NFATC3: variants seen among roughly 807,000 people sequenced by gnomAD.
The protein encoded by NFATC3 is nuclear factor of activated T-cells, cytoplasmic 3.
In NFATC3, 46 loss-of-function variants were observed where a neutral mutation model predicts 98.6. That is an observed-to-expected ratio of 0.47 (90% confidence interval 0.37 to 0.60). The LOEUF (loss-of-function observed/expected upper bound fraction) is 0.60, where lower values mean the gene tolerates loss of function less well. Among genes scored for constraint, NFATC3 ranks in the 20% least tolerant of loss-of-function variants. NFATC3 has a pLI of 0.00. For missense variants in NFATC3, 1,256 were observed against 1,295.5 expected, an observed-to-expected ratio of 0.97 and a Z score of 0.47; for synonymous variants, 512 against 472.2, an observed-to-expected ratio of 1.08 and a Z score of -1.09.
Position 68,181,517 on chromosome 16 carries a change from A to G in NFATC3, c.1958A>G (p.Glu653Gly), listed in dbSNP as rs376818386. 17 of 1,606,034 alleles carry G rather than the reference A, an allele frequency of 1.1e-5. No individual in the cohort carries two copies. Among genetic ancestry groups the G allele is most frequent in the Middle Eastern group, 1.7e-4 (1 of 6,060 alleles). Reference protein sequence around the residue: ...QWEVEGKIIREKCQGAHIVLE... With the variant: ...QWEVEGKIIRGKCQGAHIVLE... The stretch of plus-strand genomic sequence containing the variant: ...GAGGTAGAAGGGAAGATAATCAGGG[A>G]AAAATGTCAAGGGGTAAGAAATTTA... The change falls in exon 7 of 10, where the codon GAA becomes GGA. Residue 653 changes from glutamate (E) to glycine (G), a missense_variant. Glu to Gly is a moderately conservative substitution (Grantham distance 98). Coordinates refer to ENST00000346183, the MANE Select transcript of NFATC3 (RefSeq NM_173165.3).
At chr16:68,165,832 G>A (rs2039166547) in intron 4 of NFATC3, among the ~76,000 whole-genome samples, 1 of 152,202 alleles carries the variant, frequency 6.6e-6, no homozygotes, top group Non-Finnish European at 1.5e-5. Flanking sequence ...TGCCTTGTTA[G>A]CAAGGTTAAC....
At chr16:68,204,015 C>T (rs1168266855) in intron 9 of NFATC3, among the ~76,000 whole-genome samples, 1 of 151,946 alleles carries the variant, frequency 6.6e-6, no homozygotes, top group South Asian at 2.1e-4. Context: ...TGGTGAAACC[C>T]CGTCTCTACT....
intron 2 of NFATC3, among the ~76,000 whole-genome samples, chr16:68,124,431 C>T (rs1292606524): frequency 7.6e-6 from 1 of 130,868 alleles, no homozygotes; most frequent in African/African-American, 2.9e-5. Context: ...TCTTTTCTTT[C>T]TTTTTTTTTT....
chr16:68,196,945 G>A lies in NFATC3; in HGVS notation c.3106+5170G>A, dbSNP rs564780767. ...CTTGGGAGGCTGAGGCAGGAGAGTC[G>A]CTTGAACCTGGGAGGCTGAGGTTGC... On this transcript the variant is annotated intron_variant, in intron 9 of 9. Coordinates refer to ENST00000346183, the MANE Select transcript of NFATC3 (RefSeq NM_173165.3). Among the ~76,000 whole-genome samples the A allele has an allele frequency of 3.4e-4, 51 of 152,094 alleles. No individual in the cohort carries two copies. The South Asian group carries it at 7.3e-3, about 22-fold the overall frequency.
intron 3 of NFATC3, among the ~76,000 whole-genome samples, chr16:68,138,983 C>G (rs1450499310): frequency 6.6e-6 from 1 of 152,138 alleles, no homozygotes. Context: ...CCTATCTATC[C>G]ATTTACTTAT....
intron 9 of NFATC3, chr16:68,200,372 T>C (rs2040862414): frequency 1.3e-5 from 2 of 151,968 alleles, no homozygotes; most frequent in African/African-American, 2.4e-5. Flanking sequence ...GTCATAATTA[T>C]GCAAAGTTGT....
intron 3 of NFATC3, among the ~76,000 whole-genome samples, chr16:68,144,804 C>T (rs1419883462): frequency 6.6e-6 from 1 of 151,986 alleles, no homozygotes; most frequent in East Asian, 1.9e-4. Context: ...ATTACAGGTG[C>T]CTGCCACCAC....
chr16:68,122,050 T>G lies in NFATC3; in HGVS notation c.167T>G (p.Leu56Ter). 6.2e-7 allele frequency: 1 copy of G among 1,614,026 alleles called. No homozygotes were observed. Among genetic ancestry groups the G allele is most frequent in the Non-Finnish European group, 8.5e-7 (1 of 1,180,016 alleles). The change falls in exon 2 of 10, where the codon TTA becomes TGA. Residue 56 changes from leucine (L) to a stop codon, truncating the protein, a stop_gained. Coordinates refer to ENST00000346183, the MANE Select transcript of NFATC3 (RefSeq NM_173165.3). LOFTEE classifies it high-confidence loss of function. ...IFNVDPPPST[L>*]TTPLCLPHHG... ...AATGTAGATCCACCTCCATCTACTT[T>G]AACCACACCACTTTGCTTACCACAT...
At chr16:68,099,658 C>CT (rs527472702) in intron 1 of NFATC3, among the ~76,000 whole-genome samples, 76 of 151,862 alleles carry the variant, frequency 5.0e-4, no homozygotes, top group African/African-American at 1.7e-3. Flanking sequence ...TTTCATCTCA[C>CT]TAACTTCTTT....
At chr16:68,169,351 C>T (rs994819007) in intron 5 of NFATC3, among the ~76,000 whole-genome samples, 2 of 152,142 alleles carry the variant, frequency 1.3e-5, no homozygotes, top group African/African-American at 4.8e-5. Flanking sequence ...TCACTGCAGC[C>T]TCCGCCTCCC....
At chr16:68,116,711 G>T (rs1188145530) in intron 1 of NFATC3, among the ~76,000 whole-genome samples, 1 of 152,094 alleles carries the variant, frequency 6.6e-6, no homozygotes, top group Non-Finnish European at 1.5e-5. Flanking sequence ...TGGGAGAAGG[G>T]TGTGGTTTTC....
At chr16:68,167,810 CTTTTTTTTTTTTTTTTTTTT>C (rs35302776) in intron 5 of NFATC3, among the ~76,000 whole-genome samples, 36 of 23,918 alleles carry the variant, frequency 1.5e-3, no homozygotes, top group South Asian at 2.0e-3. Flanking sequence ...CGTATGTGTT[CTTTTTTTTTTTTTTTTTTTT>C]TTTTTTTTTT....
intron 1 of NFATC3, among the ~76,000 whole-genome samples, chr16:68,112,867 C>G (rs764137561): frequency 6.6e-6 from 1 of 151,854 alleles, no homozygotes; most frequent in Non-Finnish European, 1.5e-5. Context: ...TTTCCTCTGC[C>G]TGGTCTGTTC....
At chr16:68,114,753 T>G (rs1405214849) in intron 1 of NFATC3, among the ~76,000 whole-genome samples, 2 of 151,922 alleles carry the variant, frequency 1.3e-5, no homozygotes, top group African/African-American at 4.8e-5. Context: ...TTTTGTATGT[T>G]TAGTAGAGAC....
chr16:68,121,487 G>A (rs183638179), intron 1 of NFATC3, among the ~76,000 whole-genome samples: 2 of 151,532 alleles, frequency 1.3e-5, no homozygotes, highest in East Asian at 3.9e-4. Context: ...TGGCAACAAA[G>A]CAAGGCCCTG....
intron 8 of NFATC3, among the ~76,000 whole-genome samples, chr16:68,190,013 T>C (rs73612234): frequency 0.013 from 1,998 of 152,320 alleles, 43 homozygotes; most frequent in African/African-American, 0.045. Flanking sequence ...CACTCCAGCC[T>C]GGCCGACAGA....
intron 1 of NFATC3, chr16:68,086,556 G>T: frequency 1.4e-6 from 1 of 724,898 alleles, no homozygotes; most frequent in Non-Finnish European, 1.7e-6. Context: ...ATAGAAACAG[G>T]ATGACTGGGG....
At position 68,191,732 on chromosome 16, in the gene NFATC3, T is replaced by C; in HGVS notation, c.3063T>C (p.Pro1021=). 1 of 1,614,186 alleles carries C rather than the reference T, an allele frequency of 6.2e-7. No individual in the cohort carries two copies. Among genetic ancestry groups the C allele is most frequent in the Non-Finnish European group, 8.5e-7 (1 of 1,180,038 alleles). The part of the protein sequence containing the change: ...SIKPEPEDRE[P]NFATIGLQDI... ...AACCTGAACCAGAAGATCGAGAGCC[T>C]AACTTTGCAACCATTGGTCTGCAGG... Residue 1021 remains proline, a synonymous_variant, in exon 9 of 10, where the codon CCT becomes CCC. Transcript: ENST00000346183.
At chr16:68,138,150 C>T (rs1307690706) in intron 3 of NFATC3, among the ~76,000 whole-genome samples, 1 of 151,982 alleles carries the variant, frequency 6.6e-6, no homozygotes, top group African/African-American at 2.4e-5. Flanking sequence ...ATTCTCCTGC[C>T]TCAACCTCCC....
Sources: allele counts gnomAD v4.1 joint callset (sites outside exome capture counted in the v4.1 genomes callset), GRCh38; gene constraint gnomAD v4.1.1; transcripts MANE v1.5; gene names NCBI Gene and HGNC (gene_info 2026-07-23, HGNC 2026-07-21).